The following PTPRJ variants were observed in gnomAD, a reference collection of about 807,000 sequenced individuals.
The protein encoded by PTPRJ is protein tyrosine phosphatase receptor type J.
A neutral mutation model predicts 141.3 loss-of-function variants in PTPRJ; 129 were observed. The ratio of observed to expected loss-of-function variants is 0.91; its 90% CI spans 0.79 to 1.06. The LOEUF (loss-of-function observed/expected upper bound fraction) is 1.06, where lower values mean the gene tolerates loss of function less well. PTPRJ is among the 50% of genes least tolerant of loss of function. The probability of loss-of-function intolerance (pLI) is 0.00; values close to 1 mark genes in which losing one functional copy is unlikely to be tolerated. For synonymous variants in PTPRJ, 610 were observed against 640.5 expected, an observed-to-expected ratio of 0.95 and a Z score of 0.72; for missense variants, 1,601 against 1,679.7, an observed-to-expected ratio of 0.95 and a Z score of 0.82.
chr11:48,163,507 G>A lies in PTPRJ; in HGVS notation c.3608G>A (p.Trp1203Ter). ...HPLRQFHFTS[W>*]PDHGVPDTTD... is the part of the protein sequence containing the mutation. ...CTGAGACAGTTCCATTTCACCTCCT[G>A]GCCAGACCACGGTGTTCCCGACACC... The change falls in exon 23 of 25, where the codon TGG becomes TAG. Residue 1203 changes from tryptophan (W) to a stop codon, truncating the protein, a stop_gained. Transcript: ENST00000418331. LOFTEE classifies it high-confidence loss of function. 1 of 1,613,932 alleles carries A rather than the reference G, an allele frequency of 6.2e-7. No individual in the cohort carries two copies. Among genetic ancestry groups the A allele is most frequent in the Non-Finnish European group, 8.5e-7 (1 of 1,179,916 alleles).
chr11:48,127,485 G>T (rs1856868214), intron 6 of PTPRJ, among the ~76,000 whole-genome samples: 1 of 152,188 alleles, frequency 6.6e-6, no homozygotes, highest in South Asian at 2.1e-4. Context: ...TGGCCCTAGG[G>T]TAAGACATGC....
chr11:48,130,730 C>T lies in PTPRJ; in HGVS notation c.1615+14C>T. On this transcript the variant is annotated intron_variant, in intron 8 of 24. Coordinates refer to ENST00000418331, the MANE Select transcript of PTPRJ (RefSeq NM_002843.4). ...GCAATAGAACTGGTAAGCAAATAGG[C>T]TTTTCTGTTAAACCATCATGTTTCT... 1.3e-6 allele frequency: 2 copies of T among 1,580,658 alleles called. No homozygotes were observed. Among genetic ancestry groups the T allele is most frequent in the Non-Finnish European group, 1.7e-6 (2 of 1,157,844 alleles).
chr11:48,119,832 C>T (rs1178643600), intron 3 of PTPRJ, among the ~76,000 whole-genome samples: 2 of 152,232 alleles, frequency 1.3e-5, no homozygotes, highest in Non-Finnish European at 2.9e-5. Flanking sequence ...TAGTCCCAAG[C>T]TCCTTGAGAA....
chr11:48,119,947 C>T (rs928453551), intron 3 of PTPRJ, among the ~76,000 whole-genome samples: 4 of 152,142 alleles, frequency 2.6e-5, no homozygotes, highest in Non-Finnish European at 5.9e-5. Context: ...AGTTAGTAAC[C>T]CTGATGGCTT....
intron 19 of PTPRJ, 68 bp from the exon 20 acceptor site, chr11:48,155,732 TC>T: frequency 7.5e-7 from 1 of 1,339,072 alleles, no homozygotes; most frequent in Non-Finnish European, 1.0e-6. Flanking sequence ...CATTTTTTTT[TC>T]TGTTTTGTGT....
At chr11:47,981,037 G>A (rs1308471189) in intron 1 of PTPRJ, 29 bp downstream of exon 1, 3 of 1,204,152 alleles carry the variant, frequency 2.5e-6, no homozygotes, top group Admixed American at 4.4e-5. Context: ...CGGGCGGGGG[G>A]CAGGAGGCTG....
intron 11 of PTPRJ, among the ~76,000 whole-genome samples, chr11:48,141,206 A>G (rs1857222672): frequency 2.0e-5 from 3 of 152,222 alleles, no homozygotes; most frequent in African/African-American, 7.2e-5. Context: ...AAAAATGGGA[A>G]TAACCCAAAC....
intron 1 of PTPRJ, among the ~76,000 whole-genome samples, chr11:48,033,021 C>G: frequency 6.6e-6 from 1 of 151,252 alleles, no homozygotes; most frequent in East Asian, 1.9e-4. Flanking sequence ...AGTTCAAGAT[C>G]GGCTTGGGCA....
intron 24 of PTPRJ, among the ~76,000 whole-genome samples, chr11:48,165,865 CTTT>C (rs145510713): frequency 6.8e-6 from 1 of 147,906 alleles, no homozygotes; most frequent in Non-Finnish European, 1.5e-5. Context: ...TTTCTCTCCT[CTTT>C]TTTTTTTTTT....
intron 1 of PTPRJ, 73 bp from the exon 2 acceptor site, chr11:48,109,985 C>G: frequency 5.2e-6 from 8 of 1,551,402 alleles, no homozygotes; most frequent in Non-Finnish European, 6.2e-6. Context: ...AAATCCTCAA[C>G]TGCTTTATTT....
At chr11:48,064,387 A>G (rs979841054) in intron 1 of PTPRJ, among the ~76,000 whole-genome samples, 1 of 152,106 alleles carries the variant, frequency 6.6e-6, no homozygotes, top group African/African-American at 2.4e-5. Flanking sequence ...TGGGGAGAGG[A>G]TACAGCAGGG....
At chr11:48,128,179 C>A in intron 7 of PTPRJ, 136 bp downstream of exon 7, 4 of 1,146,534 alleles carry the variant, frequency 3.5e-6, no homozygotes, top group Non-Finnish European at 5.0e-6. Context: ...GCTTTCCTTG[C>A]ACTGGCACAT....
chr11:48,131,839 A>G (rs752844047), intron 8 of PTPRJ: 13 of 304,802 alleles, frequency 4.3e-5, no homozygotes, highest in Non-Finnish European at 7.2e-5. Context: ...AGGGGTCTCC[A>G]AGGTAGTATT....
chr11:48,074,126 C>T (rs776352478), intron 1 of PTPRJ, among the ~76,000 whole-genome samples: 41 of 152,142 alleles, frequency 2.7e-4, no homozygotes, highest in Admixed American at 2.6e-3. Context: ...ACTACAGGCA[C>T]ATGCCACCAT....
chr11:48,035,678 A>G (rs564795632), intron 1 of PTPRJ, among the ~76,000 whole-genome samples: 37 of 151,594 alleles, frequency 2.4e-4, no homozygotes, highest in Admixed American at 8.5e-4. Flanking sequence ...TAGAGCCTCA[A>G]TGGGCACCAT....
chr11:48,021,408 T>TAAATAAAATAAAATA (rs1438301932), intron 1 of PTPRJ, among the ~76,000 whole-genome samples: 2 of 121,828 alleles, frequency 1.6e-5, no homozygotes, highest in Admixed American at 7.5e-5. Context: ...AATAAATAAA[T>TAAATAAAATAAAATA]AAATAAATAA....
intron 1 of PTPRJ, among the ~76,000 whole-genome samples, chr11:48,019,722 G>A (rs932337329): frequency 6.6e-6 from 1 of 152,142 alleles, no homozygotes; most frequent in Admixed American, 6.6e-5. Context: ...TGGCATCCAA[G>A]CGTACCCTAT....
chr11:48,010,567 C>A (rs999664833), intron 1 of PTPRJ, among the ~76,000 whole-genome samples: 1 of 151,910 alleles, frequency 6.6e-6, no homozygotes, highest in Non-Finnish European at 1.5e-5. Context: ...GACGGAGTCT[C>A]ACTCTGTCAC....
At chr11:48,000,315 A>AT (rs1375015166) in intron 1 of PTPRJ, among the ~76,000 whole-genome samples, 28 of 144,516 alleles carry the variant, frequency 1.9e-4, no homozygotes, top group Non-Finnish European at 3.6e-4. Flanking sequence ...TAATTTTAAA[A>AT]TTTTTTTTTT....
Sources: allele counts gnomAD v4.1 joint callset (sites outside exome capture counted in the v4.1 genomes callset), GRCh38; gene constraint gnomAD v4.1.1; transcripts MANE v1.5; gene names NCBI Gene and HGNC (gene_info 2026-07-23, HGNC 2026-07-21).